PRKAR1B: variants seen among roughly 807,000 people sequenced by gnomAD.
PRKAR1B encodes the protein protein kinase cAMP-dependent type I regulatory subunit beta, also known as cAMP-dependent protein kinase type I-beta regulatory subunit.
PRKAR1B carries 22 observed loss-of-function variants against 46.5 expected under a neutral mutation model. The ratio of observed to expected loss-of-function variants is 0.47; its 90% CI spans 0.34 to 0.68. PRKAR1B has a LOEUF of 0.68. PRKAR1B is among the 30% of genes least tolerant of loss of function. The pLI is 0.01. For missense variants in PRKAR1B, 445 were observed against 535.6 expected (o/e 0.83, Z 1.67); for synonymous variants, 259 against 217.7 (o/e 1.19, Z -1.67).
chr7:616,257 C>T (rs866189769), intron 4 of PRKAR1B, among the ~76,000 whole-genome samples: 2 of 152,276 alleles, frequency 1.3e-5, no homozygotes, highest in African/African-American at 4.8e-5. Flanking sequence ...AACGAGGTCA[C>T]TCCGGACAGA....
At chr7:688,758 C>A (rs551059320) in intron 2 of PRKAR1B, among the ~76,000 whole-genome samples, 2 of 152,276 alleles carry the variant, frequency 1.3e-5, no homozygotes, top group African/African-American at 4.8e-5. Context: ...TCAGCAGTTA[C>A]GTATTGCTGT....
intron 9 of PRKAR1B, 148 bp downstream of exon 9, chr7:579,108 C>CA: frequency 2.0e-6 from 3 of 1,533,324 alleles, no homozygotes; most frequent in Admixed American, 3.8e-5. Context: ...ACAGACCACC[C>CA]ACCCCATGGA....
intron 9 of PRKAR1B, 22 bp from the exon 10 acceptor site, chr7:551,492 CGTG>C (rs780414372): frequency 3.7e-5 from 57 of 1,549,442 alleles, no homozygotes; most frequent in Non-Finnish European, 4.7e-5. Context: ...GGTGGACAGA[CGTG>C]AGTGCCAGCC....
chr7:641,968 A>G (rs1396873159), intron 4 of PRKAR1B, among the ~76,000 whole-genome samples: 4 of 152,062 alleles, frequency 2.6e-5, no homozygotes, highest in African/African-American at 9.7e-5. Context: ...CAGTGGCACA[A>G]TCCAGCTCAC....
chr7:728,430 C>T (rs1490329618), upstream of PRKAR1B, among the ~76,000 whole-genome samples: 1 of 152,146 alleles, frequency 6.6e-6, no homozygotes, highest in East Asian at 1.9e-4. Context: ...GTTAAAAGAT[C>T]ACTGCAGCTG....
chr7:672,271 C>T (rs571727736), intron 4 of PRKAR1B, among the ~76,000 whole-genome samples: 41 of 152,146 alleles, frequency 2.7e-4, no homozygotes, highest in Admixed American at 2.2e-3. Context: ...CCGCCTCAGT[C>T]TCCTGAGTAG....
chr7:595,626 C>T (rs945943941), intron 7 of PRKAR1B, among the ~76,000 whole-genome samples: 3 of 152,202 alleles, frequency 2.0e-5, no homozygotes, highest in Non-Finnish European at 4.4e-5. Context: ...ATAGCACCCC[C>T]GCCGCCCACA....
At chr7:642,992 C>T (rs1306986308) in intron 4 of PRKAR1B, among the ~76,000 whole-genome samples, 8 of 151,406 alleles carry the variant, frequency 5.3e-5, no homozygotes, top group African/African-American at 1.7e-4. Context: ...GTGCTAACCC[C>T]GCACTTCACT....
chr7:682,457 A>C (rs1040692991), intron 2 of PRKAR1B, among the ~76,000 whole-genome samples: 7 of 152,104 alleles, frequency 4.6e-5, no homozygotes, highest in Admixed American at 6.5e-5. Context: ...CTCAAAAAAA[A>C]TTTGTTGGCC....
chr7:687,659 T>C (rs1779163941), intron 2 of PRKAR1B, among the ~76,000 whole-genome samples: 1 of 152,118 alleles, frequency 6.6e-6, no homozygotes, highest in African/African-American at 2.4e-5. Context: ...GAAGAGATCA[T>C]GATGAAGAAT....
chr7:626,122 A>G (rs1459809438), intron 4 of PRKAR1B, among the ~76,000 whole-genome samples: 2 of 152,228 alleles, frequency 1.3e-5, no homozygotes, highest in East Asian at 3.8e-4. Flanking sequence ...TCACACAAGA[A>G]GCAACAGATA....
At chr7:632,896 CTG>C (rs1783839601) in intron 4 of PRKAR1B, among the ~76,000 whole-genome samples, 1 of 152,246 alleles carries the variant, frequency 6.6e-6, no homozygotes, top group Non-Finnish European at 1.5e-5. Flanking sequence ...GTCAGCCCTC[CTG>C]AGCCTGGGGC....
At chr7:576,688 C>G (rs1486238959) in intron 9 of PRKAR1B, among the ~76,000 whole-genome samples, 1 of 151,240 alleles carries the variant, frequency 6.6e-6, no homozygotes, top group African/African-American at 2.4e-5. Flanking sequence ...CTCGGATGCC[C>G]CAGCCGGCCT....
chr7:616,523 G>C (rs981287568), intron 4 of PRKAR1B, among the ~76,000 whole-genome samples: 1 of 152,254 alleles, frequency 6.6e-6, no homozygotes, highest in African/African-American at 2.4e-5. Flanking sequence ...GCTCATCCAA[G>C]CTAGGCAGGC....
rs1379997458 is a variant in PRKAR1B, at chr7:602,691, C to T, written c.549+3502G>A. On this transcript the variant is annotated intron_variant, in intron 6 of 10. Coordinates refer to ENST00000537384, the MANE Select transcript of PRKAR1B (RefSeq NM_001164760.2). This position sits in a 1 kb window ranked among gnomAD's most constrained non-coding sequence, Gnocchi z 6.4. ...CTCTGTGGGGTGGACGAGGCTCTTG[C>T]GGTGCGTGTGTTGGGGACATGAGAC... 1.2e-5 allele frequency: 2 copies of T among 170,312 alleles called. No individual in the cohort carries two copies. The highest frequency in any genetic ancestry group is 2.9e-5 in the Non-Finnish European group (2 of 69,030). The allele number at this position is 170,312 out of a possible 1,614,324, so 10.6% of individuals were successfully genotyped here. A position where few individuals can be genotyped will look rare whatever the true frequency, so the allele number is the denominator to read the frequency against.
At chr7:704,677 G>C (rs1222273384) in intron 2 of PRKAR1B, among the ~76,000 whole-genome samples, 1 of 152,156 alleles carries the variant, frequency 6.6e-6, no homozygotes, top group Non-Finnish European at 1.5e-5. Flanking sequence ...GCTGAGGCAG[G>C]AGAATCACTT....
intron 2 of PRKAR1B, among the ~76,000 whole-genome samples, chr7:701,058 C>T (rs1029795228): frequency 7.2e-5 from 11 of 151,870 alleles, no homozygotes; most frequent in African/African-American, 2.2e-4. Context: ...CATGGTGGTG[C>T]GCATCTGCAA....
chr7:661,559 T>A (rs1364918083), intron 4 of PRKAR1B, among the ~76,000 whole-genome samples: 8 of 13,112 alleles, frequency 6.1e-4, no homozygotes, highest in Admixed American at 9.7e-4. Flanking sequence ...CTCCCCCCCA[T>A]GGCACAGGTC....
At chr7:555,149 G>A (rs1164752979) in intron 9 of PRKAR1B, among the ~76,000 whole-genome samples, 5 of 152,200 alleles carry the variant, frequency 3.3e-5, no homozygotes, top group Non-Finnish European at 5.9e-5. Flanking sequence ...GGCCAGAGAG[G>A]GTCTCACGCT....
Sources: allele counts gnomAD v4.1 joint callset (sites outside exome capture counted in the v4.1 genomes callset), GRCh38; gene constraint gnomAD v4.1.1; non-coding constraint Gnocchi (gnomAD v3.1); transcripts MANE v1.5; gene names NCBI Gene and HGNC (gene_info 2026-07-23, HGNC 2026-07-21).